Variants in BBS9 observed in about 807,000 individuals in gnomAD.
BBS9 encodes protein PTHB1.
In BBS9, 89 loss-of-function variants were observed where a neutral mutation model predicts 117.7. That is an observed-to-expected ratio of 0.76 (90% CI 0.64 to 0.90). The LOEUF (loss-of-function observed/expected upper bound fraction) is 0.90, where lower values mean the gene tolerates loss of function less well. Among genes scored for constraint, BBS9 ranks in the 40% least tolerant of loss-of-function variants. The pLI, the probability that BBS9 is intolerant of heterozygous loss-of-function variation, is 0.00. For missense variants in BBS9, 982 were observed against 1,042.2 expected (o/e 0.94, Z 0.80); for synonymous variants, 379 against 370.9 (o/e 1.02, Z -0.25).
intron 21 of BBS9, among the ~76,000 whole-genome samples, chr7:33,572,243 G>T (rs1857925776): frequency 6.6e-6 from 1 of 151,984 alleles, no homozygotes; most frequent in Non-Finnish European, 1.5e-5. Context: ...GTAATGTCCT[G>T]TAGTTCCATC....
At chr7:33,484,889 A>G (rs1051379779) in intron 19 of BBS9, among the ~76,000 whole-genome samples, 3 of 152,236 alleles carry the variant, frequency 2.0e-5, no homozygotes, top group Non-Finnish European at 2.9e-5. Context: ...ACATGGAATC[A>G]GCGCAAATGC....
chr7:33,141,733 G>C (rs2128081612), intron 1 of BBS9, among the ~76,000 whole-genome samples: 1 of 152,160 alleles, frequency 6.6e-6, no homozygotes, highest in African/African-American at 2.4e-5. Context: ...TAATCCCAAA[G>C]AAATTGCCTT....
chr7:33,550,593 A>G (rs929013532), intron 21 of BBS9, among the ~76,000 whole-genome samples: 2 of 152,136 alleles, frequency 1.3e-5, no homozygotes, highest in Non-Finnish European at 2.9e-5. Context: ...GTTCTTTAGA[A>G]CTGTCATGCT....
intron 19 of BBS9, among the ~76,000 whole-genome samples, chr7:33,458,151 T>C (rs375893358): frequency 4.6e-5 from 7 of 152,276 alleles, no homozygotes; most frequent in African/African-American, 4.8e-5. Context: ...TAATGCTTAT[T>C]ATAGAAAATG....
chr7:33,351,384 C>T, intron 14 of BBS9, 61 bp downstream of exon 14: 1 of 1,090,204 alleles, frequency 9.2e-7, no homozygotes, highest in Non-Finnish European at 1.4e-6. Flanking sequence ...AATGCTTATG[C>T]ATTTAAGATG....
At chr7:33,267,186 ATCT>A (rs1177614296) in intron 7 of BBS9, among the ~76,000 whole-genome samples, 3 of 152,004 alleles carry the variant, frequency 2.0e-5, no homozygotes, top group Admixed American at 6.6e-5. Context: ...TTGTTTGATA[ATCT>A]TCTTTTTTCT....
At chr7:33,254,753 A>G (rs981259442) in intron 5 of BBS9, among the ~76,000 whole-genome samples, 10 of 152,134 alleles carry the variant, frequency 6.6e-5, no homozygotes, top group African/African-American at 2.4e-4. Flanking sequence ...GAGTGAGATC[A>G]TGTAGTGTTT....
At position 33,344,644 on chromosome 7, in the gene BBS9, C is replaced by T; in HGVS notation, c.1329+10C>T. Reference sequence around the variant, plus strand: ...TTCTGTCACGGTGAAGGTATTGTACCAGATTTTAGACTGTAATGTGCAAAC... The same window carrying T: ...TTCTGTCACGGTGAAGGTATTGTACTAGATTTTAGACTGTAATGTGCAAAC... On this transcript the variant is annotated intron_variant, in intron 12 of 22. Coordinates refer to ENST00000242067, the MANE Select transcript of BBS9 (RefSeq NM_198428.3). 1 of 1,612,962 alleles carries T rather than the reference C, an allele frequency of 6.2e-7. No homozygotes were observed. The highest frequency in any genetic ancestry group is 8.5e-7 in the Non-Finnish European group (1 of 1,179,074).
At chr7:33,540,013 T>C (rs1353218165) in intron 21 of BBS9, among the ~76,000 whole-genome samples, 7 of 152,218 alleles carry the variant, frequency 4.6e-5, no homozygotes, top group Admixed American at 2.0e-4. Context: ...GTGTGTATCT[T>C]TGTGTTATGC....
At chr7:33,208,913 G>A (rs1787482253) in intron 5 of BBS9, among the ~76,000 whole-genome samples, 2 of 152,022 alleles carry the variant, frequency 1.3e-5, no homozygotes, top group Non-Finnish European at 1.5e-5. Context: ...GGTAAATGGA[G>A]TATCCTCACC....
chr7:33,583,614 C>T (rs1180831454), intron 21 of BBS9, among the ~76,000 whole-genome samples: 1 of 152,038 alleles, frequency 6.6e-6, no homozygotes, highest in African/African-American at 2.4e-5. Flanking sequence ...AATAAAGACG[C>T]CAAAACATGT....
At chr7:33,427,264 G>T (rs1469426174) in intron 19 of BBS9, among the ~76,000 whole-genome samples, 1 of 152,156 alleles carries the variant, frequency 6.6e-6, no homozygotes, top group Non-Finnish European at 1.5e-5. Flanking sequence ...TGAAACCATG[G>T]CAGATAAACT....
chr7:33,616,954 T>C (rs1394332577), intron 21 of BBS9, among the ~76,000 whole-genome samples: 5 of 152,072 alleles, frequency 3.3e-5, no homozygotes, highest in African/African-American at 1.2e-4. Flanking sequence ...AGTGAGAGCA[T>C]GTGGTATTTG....
chr7:33,388,486 T>G (rs1826445736), intron 19 of BBS9, among the ~76,000 whole-genome samples: 1 of 152,234 alleles, frequency 6.6e-6, no homozygotes, highest in Admixed American at 6.5e-5. Flanking sequence ...ATTAGTATTA[T>G]GAGACAATTC....
intron 9 of BBS9, among the ~76,000 whole-genome samples, chr7:33,290,927 T>A (rs1216090206): frequency 6.6e-6 from 1 of 152,210 alleles, no homozygotes; most frequent in East Asian, 1.9e-4. Flanking sequence ...TGCTGTTTCC[T>A]ACTCAAAAAT....
chr7:33,418,523 G>C (rs962394543), intron 19 of BBS9, among the ~76,000 whole-genome samples: 2 of 152,096 alleles, frequency 1.3e-5, no homozygotes, highest in African/African-American at 4.8e-5. Context: ...AACCATTTTC[G>C]CTCAATTAGT....
At chr7:33,464,619 A>AT (rs937340518) in intron 19 of BBS9, among the ~76,000 whole-genome samples, 7 of 151,814 alleles carry the variant, frequency 4.6e-5, no homozygotes, top group African/African-American at 1.7e-4. Flanking sequence ...AGATACACTG[A>AT]TTTTTTCAGA....
intron 5 of BBS9, among the ~76,000 whole-genome samples, chr7:33,182,074 G>A (rs759497513): frequency 4.0e-5 from 6 of 151,682 alleles, no homozygotes; most frequent in East Asian, 1.9e-4. Flanking sequence ...GTGACAGAGC[G>A]AGACTCCGTC....
chr7:33,477,071 C>A (rs1056416659), intron 19 of BBS9, among the ~76,000 whole-genome samples: 6 of 152,146 alleles, frequency 3.9e-5, no homozygotes, highest in Admixed American at 1.3e-4. Flanking sequence ...AGCCTTGTGG[C>A]CTTGAGCAAA....
Sources: gnomAD v4.1 joint callset for allele counts (sites outside exome capture counted in the v4.1 genomes callset) on GRCh38, gnomAD v4.1.1 for gene constraint, MANE v1.5 for transcripts, NCBI Gene and HGNC (gene_info 2026-07-23, HGNC 2026-07-21) for gene names.